The following ZBBX variants were observed in gnomAD, a reference collection of about 807,000 sequenced individuals.
The protein encoded by ZBBX is zinc finger B-box domain containing.
ZBBX carries 101 observed loss-of-function variants against 108.5 expected under a neutral mutation model. That is an observed-to-expected ratio of 0.93 (90% CI 0.79 to 1.10). ZBBX has a LOEUF of 1.10. Ranked by LOEUF, ZBBX falls within the 50% of genes least tolerant of loss-of-function variation. The probability of loss-of-function intolerance (pLI) is 0.00; values close to 1 mark genes in which losing one functional copy is unlikely to be tolerated. For synonymous variants in ZBBX, 356 were observed against 323.4 expected, an observed-to-expected ratio of 1.10 and a Z score of -1.08; for missense variants, 1,009 against 941.4, an observed-to-expected ratio of 1.07 and a Z score of -0.94.
the ZBBX span, among the ~76,000 whole-genome samples, chr3:167,189,346 A>G: frequency 2.0e-5 from 3 of 152,002 alleles, no homozygotes; most frequent in African/African-American, 7.2e-5. Flanking sequence ...TCTTACACTC[A>G]CCCCAGTTAA....
chr3:167,368,621 C>G lies in ZBBX; in HGVS notation c.69-47G>C, dbSNP rs1164461068. ...GGAGAAAGCAGAAAAACAAGCGAAG[C>G]CAAAATAATTTTATATAATCTTTTC... On this transcript the variant is annotated intron_variant, in intron 4 of 21. Coordinates refer to ENST00000675490, the MANE Select transcript of ZBBX (RefSeq NM_001199201.2). The G allele has an allele frequency of 2.1e-6, 3 of 1,450,592 alleles. No individual in the cohort carries two copies. In the African/African-American group the frequency reaches 4.4e-5, roughly 21 times the overall value. 89.9% of individuals were successfully genotyped at this position (1,450,592 alleles called of 1,614,324 possible). A position where few individuals can be genotyped will look rare whatever the true frequency, so the allele number is the denominator to read the frequency against.
chr3:167,334,078 C>A, intron 9 of ZBBX, 93 bp from the exon 10 acceptor site: 2 of 817,780 alleles, frequency 2.4e-6, no homozygotes, highest in South Asian at 3.3e-5. Flanking sequence ...TTCTATGACT[C>A]CCAGAATTAA....
intron 1 of ZBBX, among the ~76,000 whole-genome samples, chr3:167,404,404 C>T (rs184491180): frequency 3.9e-5 from 6 of 152,186 alleles, no homozygotes; most frequent in Non-Finnish European, 7.4e-5. Context: ...CAGGGGTTTG[C>T]TCTAGGTCCC....
At chr3:167,400,344 T>C (rs1748385958) in intron 1 of ZBBX, among the ~76,000 whole-genome samples, 1 of 152,176 alleles carries the variant, frequency 6.6e-6, no homozygotes, top group South Asian at 2.1e-4. Context: ...CATTCCCTTT[T>C]CTCCGCAGCC....
intron 9 of ZBBX, among the ~76,000 whole-genome samples, chr3:167,343,666 A>G (rs1050883545): frequency 8.6e-5 from 13 of 151,926 alleles, no homozygotes; most frequent in African/African-American, 3.1e-4. Flanking sequence ...CCAAACCACG[A>G]TGTGCTACTG....
chr3:167,300,513 T>C (rs1318159168), intron 17 of ZBBX, among the ~76,000 whole-genome samples: 1 of 152,036 alleles, frequency 6.6e-6, no homozygotes, highest in African/African-American at 2.4e-5. Context: ...TATTTTACAC[T>C]GAGCAATATT....
At chr3:167,300,915 C>CTTT (rs59563822) in intron 17 of ZBBX, among the ~76,000 whole-genome samples, 1 of 136,554 alleles carries the variant, frequency 7.3e-6, no homozygotes, top group East Asian at 2.2e-4. Flanking sequence ...TGTGCCTGGC[C>CTTT]TTTTTTTTTT....
chr3:167,398,704 T>A (rs1044022488), intron 1 of ZBBX, among the ~76,000 whole-genome samples: 3 of 152,042 alleles, frequency 2.0e-5, no homozygotes, highest in African/African-American at 7.2e-5. Context: ...TTTTAGGACA[T>A]GTGTTATACC....
intron 1 of ZBBX, among the ~76,000 whole-genome samples, chr3:167,407,626 A>G (rs912112221): frequency 1.3e-5 from 2 of 152,188 alleles, no homozygotes; most frequent in Non-Finnish European, 2.9e-5. Flanking sequence ...AAAGTTAGGG[A>G]AAAGGAAATG....
chr3:167,386,803 G>A (rs1271551312), intron 1 of ZBBX, among the ~76,000 whole-genome samples: 1 of 152,084 alleles, frequency 6.6e-6, no homozygotes, highest in African/African-American at 2.4e-5. Flanking sequence ...TGCACTGTTT[G>A]CTGTACTTCA....
chr3:167,318,265 A>C (rs1327424180), intron 12 of ZBBX, among the ~76,000 whole-genome samples: 1 of 151,978 alleles, frequency 6.6e-6, no homozygotes, highest in Admixed American at 6.6e-5. Flanking sequence ...CATACCATGC[A>C]AGTTCATAAA....
chr3:167,353,160 A>T (rs140899417), intron 8 of ZBBX, among the ~76,000 whole-genome samples: 1 of 152,262 alleles, frequency 6.6e-6, no homozygotes, highest in Non-Finnish European at 1.5e-5. Context: ...AGGCATCCAA[A>T]TTGGAAAAGA....
the ZBBX span, among the ~76,000 whole-genome samples, chr3:167,197,870 C>T: frequency 8.5e-5 from 13 of 152,130 alleles, no homozygotes; most frequent in African/African-American, 3.1e-4. Context: ...ATAAGAACTA[C>T]AGTATGTGTC....
chr3:167,282,566 A>G, intron 19 of ZBBX, 71 bp from the exon 20 acceptor site: 1 of 1,311,722 alleles, frequency 7.6e-7, no homozygotes, highest in Non-Finnish European at 1.1e-6. Flanking sequence ...GATACAAAAT[A>G]CCAGGTCCCT....
rs1025248096 is a variant in ZBBX at position 167,240,019 on chromosome 3, C to T, written c.*774G>A. 2.0e-5 allele frequency among the ~76,000 whole-genome samples: 3 copies of T among 152,178 alleles called. No homozygotes were observed. The highest frequency in any genetic ancestry group is 4.8e-5 in the African/African-American group (2 of 41,532). ...AAAACCATCAGATCACATGAGAACT[C>T]ATTATCACGAGAACAGCAGCATAGG... On this transcript the variant is annotated 3_prime_UTR_variant, in exon 22 of 22. Transcript: ENST00000675490.
At chr3:167,302,235 C>T (rs1461247306) in intron 17 of ZBBX, among the ~76,000 whole-genome samples, 1 of 151,966 alleles carries the variant, frequency 6.6e-6, no homozygotes, top group East Asian at 1.9e-4. Flanking sequence ...TTGTATTGAT[C>T]AAATCTTCTC....
At position 167,314,114 on chromosome 3, in the gene ZBBX, C is replaced by A; in HGVS notation, c.1277G>T (p.Cys426Phe). Reference sequence around the variant, plus strand: ...ATTCTTCTGACAATCATGAAAAGCACAACTTTCACATGTAGGAACAAACAA... The same window carrying A: ...ATTCTTCTGACAATCATGAAAAGCAAAACTTTCACATGTAGGAACAAACAA... ...KLADADSQRS[C>F]AFHDCQKNSF... Residue 426 changes from cysteine to phenylalanine, a missense_variant and splice_region_variant, in exon 16 of 22, where the codon TGT becomes TTT. Cys to Phe is a radical substitution (Grantham distance 205). Coordinates refer to ENST00000675490, the MANE Select transcript of ZBBX (RefSeq NM_001199201.2). 1.3e-6 allele frequency: 2 copies of A among 1,576,394 alleles called. No individual in the cohort carries two copies. Among genetic ancestry groups the A allele is most frequent in the South Asian group, 1.2e-5 (1 of 83,186 alleles).
At chr3:167,208,678 C>T in the ZBBX span, among the ~76,000 whole-genome samples, 1 of 152,180 alleles carries the variant, frequency 6.6e-6, no homozygotes, top group Non-Finnish European at 1.5e-5. Context: ...GATTACTTCC[C>T]ATAGGCTTAG....
intron 17 of ZBBX, among the ~76,000 whole-genome samples, chr3:167,299,542 T>C (rs1036471344): frequency 1.3e-5 from 2 of 152,126 alleles, no homozygotes; most frequent in Non-Finnish European, 2.9e-5. Flanking sequence ...ATGTTTTGTC[T>C]ACTTTTAGCA....
Sources: allele counts gnomAD v4.1 joint callset (sites outside exome capture counted in the v4.1 genomes callset), GRCh38; gene constraint gnomAD v4.1.1; transcripts MANE v1.5; gene names NCBI Gene and HGNC (gene_info 2026-07-23, HGNC 2026-07-21).